GRIP2: variants seen among roughly 807,000 people sequenced by gnomAD.
The protein encoded by GRIP2 is glutamate receptor-interacting protein 2.
A neutral mutation model predicts 108.3 loss-of-function variants in GRIP2; 58 were observed. The ratio of observed to expected loss-of-function variants is 0.54; its 90% CI spans 0.43 to 0.67. GRIP2 has a LOEUF of 0.67. Ranked by LOEUF, GRIP2 falls within the 30% of genes least tolerant of loss-of-function variation. GRIP2 has a pLI of 0.00. For synonymous variants in GRIP2, 586 were observed against 598.2 expected (o/e 0.98, Z 0.30); for missense variants, 1,278 against 1,430.6 (o/e 0.89, Z 1.72).
At chr3:14,555,003 C>T (rs562199701) in intron 1 of GRIP2, among the ~76,000 whole-genome samples, 7 of 152,288 alleles carry the variant, frequency 4.6e-5, no homozygotes, top group African/African-American at 1.2e-4. Flanking sequence ...CCCTCCTCCC[C>T]GTGCTGTAGA....
At position 14,525,836 on chromosome 3, in the gene GRIP2, G is replaced by T. The variant is rs372133824; in HGVS notation, c.121+15C>A. ...TCCAGGGCAGAAAAAGAGGGAATGA[G>T]GGAAGCCTCATTACCTGGAATGCTC... On this transcript the variant is annotated intron_variant, in intron 2 of 23. Coordinates refer to ENST00000621039, the MANE Select transcript of GRIP2 (RefSeq NM_001080423.4). 7.5e-5 allele frequency: 116 copies of T among 1,554,170 alleles called. No individual in the cohort carries two copies. Among genetic ancestry groups the T allele is most frequent in the Non-Finnish European group, 9.8e-5 (113 of 1,148,750 alleles).
At chr3:14,514,173 T>C (rs1694179337) in intron 12 of GRIP2, 119 bp downstream of exon 12, 5 of 955,426 alleles carry the variant, frequency 5.2e-6, no homozygotes, top group Non-Finnish European at 3.1e-6. Context: ...AAAATGGGGC[T>C]GGTGCTGGGG....
chr3:14,568,128 T>A, the GRIP2 span, among the ~76,000 whole-genome samples: 2,876 of 152,274 alleles, frequency 0.019, 101 homozygotes, highest in African/African-American at 0.065. Context: ...GTGAGGACTT[T>A]GGTCTTCCTC....
rs562240825 is a variant in GRIP2 at position 14,489,924 on chromosome 3, A to C, written c.*3741T>G. The C allele has an allele frequency of 6.6e-6, 1 of 152,338 alleles. No individual in the cohort carries two copies. Among genetic ancestry groups the C allele is most frequent in the African/African-American group, 2.4e-5 (1 of 41,556 alleles). The allele number at this position is 152,338 out of a possible 1,614,324, so 9.4% of individuals were successfully genotyped here. On this transcript the variant is annotated 3_prime_UTR_variant, in exon 24 of 24. Coordinates refer to ENST00000621039, the MANE Select transcript of GRIP2 (RefSeq NM_001080423.4). ...CCAGTTAGGGGCTCTCTGGGGTCAC[A>C]ACAGGTCCATGTTTGGGGCAGCCTT...
chr3:14,574,083 T>G, the GRIP2 span: 1 of 1,414,516 alleles, frequency 7.1e-7, no homozygotes, highest in Non-Finnish European at 1.0e-6. Flanking sequence ...GTAGACCCAG[T>G]GGTTCCACAG....
chr3:14,500,837 C>A (rs549843652), intron 21 of GRIP2, among the ~76,000 whole-genome samples: 1 of 152,036 alleles, frequency 6.6e-6, no homozygotes, highest in Non-Finnish European at 1.5e-5. Flanking sequence ...AAAACCCCCA[C>A]GTTCATGAAG....
At chr3:14,497,348 T>A (rs760150729) in intron 21 of GRIP2, among the ~76,000 whole-genome samples, 16 of 152,154 alleles carry the variant, frequency 1.1e-4, no homozygotes, top group Non-Finnish European at 2.1e-4. Flanking sequence ...GCAGTAAGTG[T>A]TACAGAGGTG....
chr3:14,564,687 T>C, the GRIP2 span, among the ~76,000 whole-genome samples: 1 of 151,884 alleles, frequency 6.6e-6, no homozygotes, highest in African/African-American at 2.4e-5. Context: ...ATCTGAAAAA[T>C]GGGGAAAGGG....
intron 11 of GRIP2, among the ~76,000 whole-genome samples, chr3:14,514,869 C>G (rs1200883073): frequency 6.6e-6 from 1 of 152,222 alleles, no homozygotes; most frequent in Non-Finnish European, 1.5e-5. Flanking sequence ...CCACAGTAGT[C>G]ACCTATTTAA....
chr3:14,573,868 C>G, the GRIP2 span: 3 of 1,325,802 alleles, frequency 2.3e-6, no homozygotes, highest in South Asian at 3.6e-5. Flanking sequence ...GGCGAGCACT[C>G]CTCCTCCGAG....
At chr3:14,529,750 T>G (rs1273751570) in intron 1 of GRIP2, among the ~76,000 whole-genome samples, 2 of 152,228 alleles carry the variant, frequency 1.3e-5, no homozygotes, top group Non-Finnish European at 2.9e-5. Context: ...GTATTTCTTC[T>G]GCCTAGTGTC....
chr3:14,561,854 T>C, the GRIP2 span, among the ~76,000 whole-genome samples: 316 of 152,310 alleles, frequency 2.1e-3, no homozygotes, highest in African/African-American at 7.2e-3. Context: ...CTCTTGACCG[T>C]TTATCCAGGC....
chr3:14,527,879 G>A (rs891087691), intron 1 of GRIP2, among the ~76,000 whole-genome samples: 6 of 152,144 alleles, frequency 3.9e-5, no homozygotes, highest in Non-Finnish European at 5.9e-5. Context: ...CTGGGTGACA[G>A]AGTGAGACTC....
chr3:14,506,811 A>G lies in GRIP2; in HGVS notation c.2388T>C (p.Phe796=). 1 of 1,599,186 alleles carries G rather than the reference A, an allele frequency of 6.3e-7. No homozygotes were observed. Among genetic ancestry groups the G allele is most frequent in the Non-Finnish European group, 8.5e-7 (1 of 1,172,976 alleles). The part of the protein sequence containing the change: ...SWDSSATEGG[F]GGPGSYTPQA... ...GCCCCAAGGTATTACCTGGGCCCCC[A>G]AAGCCACCCTCGGTGGCCGAGCTGT... The change falls in exon 19 of 24, where the codon TTT becomes TTC. Residue 796 remains phenylalanine (F), a synonymous_variant. Coordinates refer to ENST00000621039, the MANE Select transcript of GRIP2 (RefSeq NM_001080423.4).
At chr3:14,547,400 G>A (rs1695074519) in intron 1 of GRIP2, among the ~76,000 whole-genome samples, 2 of 152,230 alleles carry the variant, frequency 1.3e-5, no homozygotes. Context: ...TGAAGGAGAA[G>A]AAATAAGATT....
Position 14,501,378 on chromosome 3 carries a change from A to G in GRIP2, c.2679+2188T>C, listed in dbSNP as rs981154973. ...ATATATGAATTTTATCTTGATAAACAGGAAGTTTACATTAGTATCATGTAA... is the reference window on the plus strand; with the variant it reads ...ATATATGAATTTTATCTTGATAAACGGGAAGTTTACATTAGTATCATGTAA... On this transcript the variant is annotated intron_variant, in intron 21 of 23. Coordinates refer to ENST00000621039, the MANE Select transcript of GRIP2 (RefSeq NM_001080423.4). 7.9e-5 allele frequency among the ~76,000 whole-genome samples: 12 copies of G among 152,364 alleles called. No homozygotes were observed. In the East Asian group the frequency reaches 1.7e-3, roughly 22 times the overall value.
intron 11 of GRIP2, among the ~76,000 whole-genome samples, chr3:14,515,757 G>A (rs1694231693): frequency 6.6e-6 from 1 of 151,976 alleles, no homozygotes; most frequent in African/African-American, 2.4e-5. Context: ...CACCTCCAGA[G>A]TAGCTAGGAT....
At chr3:14,577,989 T>C in the GRIP2 span, among the ~76,000 whole-genome samples, 5 of 152,226 alleles carry the variant, frequency 3.3e-5, no homozygotes, top group East Asian at 9.6e-4. Context: ...GCTTAAGGTC[T>C]CCCTGGCTCA....
At chr3:14,545,461 A>G (rs1259149823), upstream of GRIP2, among the ~76,000 whole-genome samples, 2 of 152,132 alleles carry the variant, frequency 1.3e-5, no homozygotes, top group Admixed American at 6.5e-5. Flanking sequence ...CGACAAACAC[A>G]TGTTGAGAGG....
Sources: gnomAD v4.1 joint callset for allele counts (sites outside exome capture counted in the v4.1 genomes callset) on GRCh38, gnomAD v4.1.1 for gene constraint, MANE v1.5 for transcripts, NCBI Gene and HGNC (gene_info 2026-07-23, HGNC 2026-07-21) for gene names.